GLIPR1: variants seen among roughly 807,000 people sequenced by gnomAD.
GLIPR1 encodes glioma pathogenesis-related protein 1.
A neutral mutation model predicts 30.3 loss-of-function variants in GLIPR1; 38 were observed. The observed-to-expected ratio is 1.26, with a 90% CI of 0.97 to 1.65. The LOEUF is 1.65. Ranked by LOEUF, GLIPR1 falls within the 40% of genes most tolerant of loss-of-function variation. The probability of loss-of-function intolerance (pLI) is 0.00; values close to 1 mark genes in which losing one functional copy is unlikely to be tolerated. For missense variants in GLIPR1, 285 were observed against 326.5 expected (o/e 0.87, Z 0.98); for synonymous variants, 122 against 110.6 (o/e 1.10, Z -0.65).
Position 75,481,995 on chromosome 12 carries a change from C to A in GLIPR1, c.336C>A (p.Ser112=). Residue 112 remains serine (S), a synonymous_variant, in exon 2 of 6, where the codon TCC becomes TCA. Transcript: ENST00000266659. ...TGSVPIFSVS[S]AITNWYDEIQ... ...CTGTGCCCATTTTTTCTGTGTCTTC[C>A]GCCATCACAAACTGGTATGACGAAA... The A allele has an allele frequency of 6.2e-7, 1 of 1,614,024 alleles. No individual in the cohort carries two copies. The highest frequency in any genetic ancestry group is 8.5e-7 in the Non-Finnish European group (1 of 1,179,950).
In GLIPR1 at chr12:75,499,058, A is replaced by ACTT. The variant is rs2046371656; in HGVS notation, c.*83_*85dup. The ACTT allele has an allele frequency of 6.9e-6, 6 of 867,252 alleles. No individual in the cohort carries two copies. The highest frequency in any genetic ancestry group is 2.8e-5 in the Admixed American group (1 of 35,278). 53.7% of individuals were successfully genotyped at this position (867,252 alleles called of 1,614,324 possible). On this transcript the variant is annotated 3_prime_UTR_variant, in exon 6 of 6. Transcript: ENST00000266659. ...TTTTTAACCAATAACAATTAGGTGT[A>ACTT]CTTCTATTTTAAAACATTTCAGAAA...
At position 75,501,936 on chromosome 12, in the gene GLIPR1, A is replaced by C. The variant is rs1003764963; in HGVS notation, c.*2958A>C. 1.9e-6 allele frequency: 3 copies of C among 1,612,346 alleles called. No individual in the cohort carries two copies. In the African/African-American group the frequency reaches 4.0e-5, roughly 22 times the overall value. ...AAAGTGCCGTACCTTTATTGCTTCCATTTTCTGCCGCTTCTTCTGATTTGC... is the reference window on the plus strand; with the variant it reads ...AAAGTGCCGTACCTTTATTGCTTCCCTTTTCTGCCGCTTCTTCTGATTTGC... On this transcript the variant is annotated 3_prime_UTR_variant, in exon 6 of 6. Transcript: ENST00000266659.
At chr12:75,496,472 T>G (rs986833207) in intron 4 of GLIPR1, 1 of 152,176 alleles carries the variant, frequency 6.6e-6, no homozygotes, top group African/African-American at 2.4e-5. Context: ...TTACTAAACA[T>G]CCAAGCAAAA....
intron 2 of GLIPR1, chr12:75,487,642 T>TA: frequency 2.5e-6 from 1 of 401,340 alleles, no homozygotes; most frequent in Non-Finnish European, 5.0e-6. Context: ...ATCATCTCCC[T>TA]AGTCACGTCC....
chr12:75,484,733 G>C (rs2046286053), intron 2 of GLIPR1: 1 of 152,230 alleles, frequency 6.6e-6, no homozygotes, highest in Non-Finnish European at 1.5e-5. Flanking sequence ...TTTTGAGCCA[G>C]GATGAGCCAG....
In GLIPR1 at chr12:75,480,941, A is replaced by G. The variant is rs770912710; in HGVS notation, c.61A>G (p.Thr21Ala). 1 of 1,613,742 alleles carries G rather than the reference A, an allele frequency of 6.2e-7. No homozygotes were observed. Among genetic ancestry groups the G allele is most frequent in the South Asian group, 1.1e-5 (1 of 91,072 alleles). ...MVSFVSNYSHTANILPDIENE... is the reference protein window; with the variant it reads ...MVSFVSNYSHAANILPDIENE... ...TTCTTTTGTCTCCAATTATTCACAC[A>G]CAGCAAATATTTTGCCAGATATCGA... Residue 21 changes from threonine to alanine, a missense_variant, in exon 1 of 6, where the codon ACA becomes GCA. Coordinates refer to ENST00000266659, the MANE Select transcript of GLIPR1 (RefSeq NM_006851.3).
At position 75,502,066 on chromosome 12, in the gene GLIPR1, G is replaced by A; in HGVS notation, c.*3088G>A. ...AGAGGAGAAGTCATGTCCTAAGCAA[G>A]TCACAATATCCTTAGGGTAAAAACA... is the stretch of plus-strand genomic sequence containing the variant. On this transcript the variant is annotated 3_prime_UTR_variant, in exon 6 of 6. Coordinates refer to ENST00000266659, the MANE Select transcript of GLIPR1 (RefSeq NM_006851.3). 2.4e-6 allele frequency: 3 copies of A among 1,267,536 alleles called. No individual in the cohort carries two copies. In the South Asian group the frequency reaches 3.6e-5, roughly 15 times the overall value. The allele number at this position is 1,267,536 out of a possible 1,614,324, so 78.5% of individuals were successfully genotyped here. A position where few individuals can be genotyped will look rare whatever the true frequency, so the allele number is the denominator to read the frequency against.
chr12:75,499,112 T>A lies in GLIPR1; in HGVS notation c.*134T>A. On this transcript the variant is annotated 3_prime_UTR_variant, in exon 6 of 6. Transcript: ENST00000266659. Reference sequence around the variant, plus strand: ...ATATATGTTATAGCAATACTCTTACTCAAAAGAAGAAATTTCCTAACTCTA... The same window carrying A: ...ATATATGTTATAGCAATACTCTTACACAAAAGAAGAAATTTCCTAACTCTA... The A allele has an allele frequency of 2.0e-6, 1 of 511,450 alleles. No homozygotes were observed. The highest frequency in any genetic ancestry group is 3.3e-6 in the Non-Finnish European group (1 of 301,428). 31.7% of individuals were successfully genotyped at this position (511,450 alleles called of 1,614,324 possible).
chr12:75,501,853 AT>A lies in GLIPR1; in HGVS notation c.*2878del. 10 of 1,575,500 alleles carry A rather than the reference AT, an allele frequency of 6.3e-6. No homozygotes were observed. The highest frequency in any genetic ancestry group is 8.7e-6 in the Non-Finnish European group (10 of 1,152,004). ...AATAAAAAATATATCAGTTAAATGT[AT>A]TTATAGTTAAATAATTCAAGTATCT... On this transcript the variant is annotated 3_prime_UTR_variant, in exon 6 of 6. Transcript: ENST00000266659.
chr12:75,490,583 C>A (rs200321788), intron 3 of GLIPR1, 65 bp downstream of exon 3: 1,640 of 102,090 alleles, frequency 0.016, 124 homozygotes, highest in Non-Finnish European at 0.019. Flanking sequence ...AAAACAACAA[C>A]AAAAAAAAAC....
intron 4 of GLIPR1, chr12:75,496,446 A>T (rs1168949921): frequency 6.6e-6 from 1 of 152,166 alleles, no homozygotes; most frequent in African/African-American, 2.4e-5. Flanking sequence ...CAAGCAGTTA[A>T]ATTTCCAAGG....
In GLIPR1 at chr12:75,502,026, C is replaced by T; in HGVS notation, c.*3048C>T. The T allele has an allele frequency of 6.4e-7, 1 of 1,574,778 alleles. No homozygotes were observed. The highest frequency in any genetic ancestry group is 1.1e-5 in the South Asian group (1 of 90,038). ...CTGTTGAAAACGGTATTTACAATTA[C>T]ATCAGAAATAATGTAGAGGAGAAGT... On this transcript the variant is annotated 3_prime_UTR_variant, in exon 6 of 6. Coordinates refer to ENST00000266659, the MANE Select transcript of GLIPR1 (RefSeq NM_006851.3).
chr12:75,485,561 A>ATTTTTTTATTTT (rs1555239149), intron 2 of GLIPR1, among the ~76,000 whole-genome samples: 1 of 148,786 alleles, frequency 6.7e-6, no homozygotes, highest in Non-Finnish European at 1.5e-5. Context: ...TTATTTATTT[A>ATTTTTTTATTTT]TTTTTTTGAG....
At chr12:75,496,528 TTTCTTG>T (rs1228522101) in intron 4 of GLIPR1, 11 of 151,992 alleles carry the variant, frequency 7.2e-5, no homozygotes, top group Non-Finnish European at 1.5e-4. Context: ...CAAGAGTTTA[TTTCTTG>T]TTCTTGTTCT....
chr12:75,499,695 CACCAAA>C lies in GLIPR1; in HGVS notation c.*719_*724del. 1 of 615,354 alleles carries C rather than the reference CACCAAA, an allele frequency of 1.6e-6. No individual in the cohort carries two copies. Among genetic ancestry groups the C allele is most frequent in the Non-Finnish European group, 2.6e-6 (1 of 386,066 alleles). The allele number at this position is 615,354 out of a possible 1,614,324, so 38.1% of individuals were successfully genotyped here. ...ACACTCTTCTATGAACAACCACCAC[CACCAAA>C]AAAAAAAAAAGCCCTCAGAAAATTT... On this transcript the variant is annotated 3_prime_UTR_variant, in exon 6 of 6. Transcript: ENST00000266659.
Position 75,498,939 on chromosome 12 carries a change from G to A in GLIPR1, c.762G>A (p.Leu254=), listed in dbSNP as rs143283114. ...ILILSVIITI[L]VQHKYPNLVL... is the part of the protein sequence containing the mutation. ...TACTGTCTGTTATAATTACCATTTTGGTACAGCACAAGTACCCTAATTTAG... is the reference window on the plus strand; with the variant it reads ...TACTGTCTGTTATAATTACCATTTTAGTACAGCACAAGTACCCTAATTTAG... The change falls in exon 6 of 6, where the codon TTG becomes TTA. Residue 254 remains leucine (L), a synonymous_variant. Coordinates refer to ENST00000266659, the MANE Select transcript of GLIPR1 (RefSeq NM_006851.3). The A allele has an allele frequency of 2.5e-3, 4,086 of 1,608,446 alleles. 16 individuals carry two copies. Among genetic ancestry groups the A allele is most frequent in the Middle Eastern group, 0.013 (79 of 5,962 alleles).
At chr12:75,487,550 T>C (rs1488150717) in intron 2 of GLIPR1, among the ~76,000 whole-genome samples, 2 of 152,022 alleles carry the variant, frequency 1.3e-5, no homozygotes, top group Non-Finnish European at 2.9e-5. Context: ...GATCATGGAG[T>C]AGGGAAGTAC....
At chr12:75,484,370 T>C (rs1039656410) in intron 2 of GLIPR1, 7 of 152,226 alleles carry the variant, frequency 4.6e-5, no homozygotes, top group African/African-American at 1.7e-4. Flanking sequence ...ATTAAGGAGA[T>C]GTTAATGGTA....
Position 75,500,024 on chromosome 12 carries a change from C to T in GLIPR1, c.*1046C>T. On this transcript the variant is annotated 3_prime_UTR_variant, in exon 6 of 6. Coordinates refer to ENST00000266659, the MANE Select transcript of GLIPR1 (RefSeq NM_006851.3). ...AGTAAAACAAAGAATATATGTTTAA[C>T]AAAGAATATATGTTTAAGGCAGTTA... is the stretch of plus-strand genomic sequence containing the variant. 1 of 1,204,428 alleles carries T rather than the reference C, an allele frequency of 8.3e-7. No individual in the cohort carries two copies. Among genetic ancestry groups the T allele is most frequent in the Non-Finnish European group, 1.2e-6 (1 of 861,824 alleles). The allele number at this position is 1,204,428 out of a possible 1,614,324, so 74.6% of individuals were successfully genotyped here. A position where few individuals can be genotyped will look rare whatever the true frequency, so the allele number is the denominator to read the frequency against.
Sources: gnomAD v4.1 joint callset for allele counts (sites outside exome capture counted in the v4.1 genomes callset) on GRCh38, gnomAD v4.1.1 for gene constraint, MANE v1.5 for transcripts, NCBI Gene and HGNC (gene_info 2026-07-23, HGNC 2026-07-21) for gene names.